The following RCOR2 variants were observed in gnomAD, a reference collection of about 807,000 sequenced individuals.
RCOR2 encodes the protein REST corepressor 2.
In RCOR2, 19 loss-of-function variants were observed where a neutral mutation model predicts 58.9. That is an observed-to-expected ratio of 0.32 (90% CI 0.23 to 0.47). The LOEUF (loss-of-function observed/expected upper bound fraction) is 0.47. Among genes scored for constraint, RCOR2 ranks in the 20% least tolerant of loss-of-function variants. RCOR2 has a pLI of 1.00. For synonymous variants in RCOR2, 286 were observed against 278.7 expected, an observed-to-expected ratio of 1.03 and a Z score of -0.26; for missense variants, 590 against 707.9, an observed-to-expected ratio of 0.83 and a Z score of 1.89.
chr11:63,925,307 A>G, the RCOR2 span, among the ~76,000 whole-genome samples: 1 of 152,116 alleles, frequency 6.6e-6, no homozygotes, highest in African/African-American at 2.4e-5. Flanking sequence ...TTGGGGATCC[A>G]TGTGGTGCTA....
Position 63,916,828 on chromosome 11 carries a change from G to A in RCOR2, c.-372C>T, listed in dbSNP as rs1941864995. On this transcript the variant is annotated 5_prime_UTR_variant, in exon 1 of 12. The change creates a new upstream start codon in the 5' untranslated region. Coordinates refer to ENST00000301459, the MANE Select transcript of RCOR2 (RefSeq NM_173587.4). ...ACCCCACCGCCCACCTGCCCACGCC[G>A]TTCAGCGGCTGGGCGCTGGAGCGCA... is the stretch of plus-strand genomic sequence containing the variant. 1.0e-5 allele frequency: 2 copies of A among 199,496 alleles called. No homozygotes were observed. The highest frequency in any genetic ancestry group is 2.0e-5 in the Non-Finnish European group (2 of 98,334). The allele number at this position is 199,496 out of a possible 1,614,324, so 12.4% of individuals were successfully genotyped here.
At position 63,912,745 on chromosome 11, in the gene RCOR2, G is replaced by A. The variant is rs755749976; in HGVS notation, c.970-12C>T. 4 of 1,613,888 alleles carry A rather than the reference G, an allele frequency of 2.5e-6. No homozygotes were observed. In the Admixed American group the frequency reaches 6.7e-5, roughly 27 times the overall value. ...AACTTGGTGTTGGCCTGGAAAGCAAGGAACAACATATCCTTTAGACTCAAA... is the reference window on the plus strand; with the variant it reads ...AACTTGGTGTTGGCCTGGAAAGCAAAGAACAACATATCCTTTAGACTCAAA... On this transcript the variant is annotated splice_polypyrimidine_tract_variant and intron_variant, in intron 9 of 11. Coordinates refer to ENST00000301459, the MANE Select transcript of RCOR2 (RefSeq NM_173587.4).
chr11:63,924,998 C>T, the RCOR2 span, among the ~76,000 whole-genome samples: 1 of 151,838 alleles, frequency 6.6e-6, no homozygotes, highest in Non-Finnish European at 1.5e-5. Context: ...TTACAGGTGC[C>T]TGCCACCACG....
chr11:63,919,827 C>A (rs1336794020), upstream of RCOR2, among the ~76,000 whole-genome samples: 1 of 152,262 alleles, frequency 6.6e-6, no homozygotes, highest in Non-Finnish European at 1.5e-5. Context: ...GCCTTCTTTT[C>A]GAGGGCTGCA....
At chr11:63,919,816 C>A (rs1590739007), upstream of RCOR2, among the ~76,000 whole-genome samples, 1 of 152,248 alleles carries the variant, frequency 6.6e-6, no homozygotes, top group South Asian at 2.1e-4. Flanking sequence ...GAAGCGACAG[C>A]GCCTTCTTTT....
rs1396866904 is a variant in RCOR2 at position 63,911,831 on chromosome 11, C to T, written c.*34G>A. 1 of 1,483,964 alleles carries T rather than the reference C, an allele frequency of 6.7e-7. No homozygotes were observed. The allele number at this position is 1,483,964 out of a possible 1,614,324, so 91.9% of individuals were successfully genotyped here. ...GCCTGGGGATGGCCAGCAAAGGGGT[C>T]CTGGAGCCCGTGGTTGGTGGAGGAC... is the stretch of plus-strand genomic sequence containing the variant. On this transcript the variant is annotated 3_prime_UTR_variant, in exon 12 of 12. Coordinates refer to ENST00000301459, the MANE Select transcript of RCOR2 (RefSeq NM_173587.4).
At chr11:63,915,431 G>GTTT in intron 2 of RCOR2, 124 bp downstream of exon 2, 1 of 1,185,642 alleles carries the variant, frequency 8.4e-7, no homozygotes, top group South Asian at 1.3e-5. Context: ...CCATGCTGGG[G>GTTT]GGCCACCCAC....
chr11:63,917,370 G>T (rs1483978617), upstream of RCOR2, among the ~76,000 whole-genome samples: 1 of 152,096 alleles, frequency 6.6e-6, no homozygotes, highest in Non-Finnish European at 1.5e-5. Context: ...CGCGTCCCTG[G>T]GCTCCCAGAC....
chr11:63,913,839 G>A lies in RCOR2; in HGVS notation c.891+115C>T, dbSNP rs1213169361. On this transcript the variant is annotated intron_variant, in intron 8 of 11. Coordinates refer to ENST00000301459, the MANE Select transcript of RCOR2 (RefSeq NM_173587.4). ...GAACACCACATTACTCAGAGTCCCA[G>A]AGGATGGGGCTCGGCCCCTGAACCA... The A allele has an allele frequency of 1.1e-5, 11 of 985,108 alleles. No homozygotes were observed. The East Asian group carries it at 2.6e-4, about 24-fold the overall frequency. 61.0% of individuals were successfully genotyped at this position (985,108 alleles called of 1,614,324 possible).
At chr11:63,926,489 C>CTTTTT in the RCOR2 span, among the ~76,000 whole-genome samples, 164 of 137,818 alleles carry the variant, frequency 1.2e-3, 2 homozygotes, top group African/African-American at 3.3e-3. Flanking sequence ...CTCTCTCTCT[C>CTTTTT]TTTTTTTTTT....
chr11:63,922,477 C>T, the RCOR2 span, among the ~76,000 whole-genome samples: 4 of 152,160 alleles, frequency 2.6e-5, no homozygotes, highest in South Asian at 2.1e-4. Flanking sequence ...CTCAGCCTCC[C>T]GAGTAGTGGG....
Position 63,914,320 on chromosome 11 carries a change from C to A in RCOR2, c.616G>T (p.Glu206Ter), listed in dbSNP as rs1460261635. Residue 206 changes from glutamate to a stop codon, truncating the protein, a stop_gained, in exon 7 of 12, where the codon GAA (glutamate) becomes TAA (stop). Transcript: ENST00000301459. LOFTEE classifies it high-confidence loss of function. ...RKDKEDSDEL[E>*]EGRGGVSEGE... Reference sequence around the variant, plus strand: ...TCACTCACGCCTCCTCGACCCTCTTCGAGCTCATCACTGCTGACACAGGGG... The same window carrying A: ...TCACTCACGCCTCCTCGACCCTCTTAGAGCTCATCACTGCTGACACAGGGG... 1 of 1,613,476 alleles carries A rather than the reference C, an allele frequency of 6.2e-7. No individual in the cohort carries two copies. The highest frequency in any genetic ancestry group is 8.5e-7 in the Non-Finnish European group (1 of 1,180,022).
At chr11:63,920,815 G>A (rs1941910606), upstream of RCOR2, among the ~76,000 whole-genome samples, 1 of 152,098 alleles carries the variant, frequency 6.6e-6, no homozygotes. Flanking sequence ...CAGGCTGTGT[G>A]GCCCAGGGTG....
At position 63,914,341 on chromosome 11, in the gene RCOR2, A is replaced by AT. The variant is rs764504336; in HGVS notation, c.606-12_606-11insA. ...TCTTCGAGCTCATCACTGCTGACAC[A>AT]GGGGCCAGGGAGGGAATGAGGCAGC... is the stretch of plus-strand genomic sequence containing the variant. On this transcript the variant is annotated splice_polypyrimidine_tract_variant and intron_variant, in intron 6 of 11. Transcript: ENST00000301459. 3.7e-6 allele frequency: 6 copies of AT among 1,613,360 alleles called. No individual in the cohort carries two copies. In the Admixed American group the frequency reaches 8.3e-5, roughly 22 times the overall value.
chr11:63,916,217 G>T, intron 1 of RCOR2, 113 bp downstream of exon 1: 1 of 966,586 alleles, frequency 1.0e-6, no homozygotes, highest in East Asian at 2.7e-5. Flanking sequence ...TCCAATCCAG[G>T]AGAGGCAGGA....
At chr11:63,918,628 C>G (rs1370464339), upstream of RCOR2, among the ~76,000 whole-genome samples, 1 of 152,260 alleles carries the variant, frequency 6.6e-6, no homozygotes, top group East Asian at 1.9e-4. Flanking sequence ...GAGAGTCTTC[C>G]CAGGCCGACC....
At chr11:63,912,629 G>A (rs756777792) in intron 10 of RCOR2, 47 bp downstream of exon 10, 2 of 1,604,296 alleles carry the variant, frequency 1.2e-6, no homozygotes, top group South Asian at 1.1e-5. Context: ...TGGAGGGTGG[G>A]GAGATAGATT....
At chr11:63,921,222 T>C (rs1223076018), upstream of RCOR2, among the ~76,000 whole-genome samples, 1 of 152,132 alleles carries the variant, frequency 6.6e-6, no homozygotes, top group African/African-American at 2.4e-5. Context: ...GCTTGGTTTC[T>C]CCGGAAACTG....
At chr11:63,915,432 G>C in intron 2 of RCOR2, 123 bp downstream of exon 2, 2 of 1,183,348 alleles carry the variant, frequency 1.7e-6, no homozygotes, top group Middle Eastern at 2.2e-4. Context: ...CATGCTGGGG[G>C]GCCACCCACC....
Sources: allele counts gnomAD v4.1 joint callset (sites outside exome capture counted in the v4.1 genomes callset), GRCh38; gene constraint gnomAD v4.1.1; transcripts MANE v1.5; gene names NCBI Gene and HGNC (gene_info 2026-07-23, HGNC 2026-07-21).